CTNNA3: variants seen among roughly 807,000 people sequenced by gnomAD.
The protein encoded by CTNNA3 is catenin alpha 3.
CTNNA3 carries 76 observed loss-of-function variants against 95.7 expected under a neutral mutation model. That is an observed-to-expected ratio of 0.79 (90% CI 0.66 to 0.96). CTNNA3 has a LOEUF of 0.96. Among genes scored for constraint, CTNNA3 ranks in the 40% least tolerant of loss-of-function variants. CTNNA3 has a pLI of 0.00. For missense variants in CTNNA3, 1,191 were observed against 1,089.8 expected (o/e 1.09, Z -1.31); for synonymous variants, 431 against 374.4 (o/e 1.15, Z -1.74).
chr10:66,767,636 TA>T (rs1169824235), intron 8 of CTNNA3, among the ~76,000 whole-genome samples: 1 of 151,926 alleles, frequency 6.6e-6, no homozygotes. Flanking sequence ...CATTTTAGAG[TA>T]TTTTTTTAAA....
At position 66,342,459 on chromosome 10, in the gene CTNNA3, T is replaced by G. The variant is rs1233814429; in HGVS notation, c.1732+36693A>C. On this transcript the variant is annotated intron_variant, in intron 12 of 17. Transcript: ENST00000433211. Reference sequence around the variant, plus strand: ...TATGAAATTTCTAGATGGTTTAAATTTATAATTAATGTAAAAATGAGGAAG... The same window carrying G: ...TATGAAATTTCTAGATGGTTTAAATGTATAATTAATGTAAAAATGAGGAAG... 3.3e-5 allele frequency among the ~76,000 whole-genome samples: 5 copies of G among 152,058 alleles called. No individual in the cohort carries two copies. In the East Asian group the frequency reaches 9.6e-4, roughly 29 times the overall value.
intron 4 of CTNNA3, among the ~76,000 whole-genome samples, chr10:67,524,395 C>CA (rs200850487): frequency 0.019 from 1,337 of 69,906 alleles, 37 homozygotes; most frequent in African/African-American, 0.04. Context: ...GACTCTGTCT[C>CA]AAAAAAAAAA....
At chr10:67,745,867 A>T (rs1475467380) in intron 1 of CTNNA3, among the ~76,000 whole-genome samples, 1 of 152,156 alleles carries the variant, frequency 6.6e-6, no homozygotes. Context: ...AATTGAACCA[A>T]GGAAGTGAAA....
At position 66,525,004 on chromosome 10, in the gene CTNNA3, G is replaced by A. The variant is rs570723024; in HGVS notation, c.1375-4231C>T. Among the ~76,000 whole-genome samples the A allele has an allele frequency of 8.0e-3, 1,213 of 151,980 alleles. 21 individuals are homozygous for A. The highest frequency in any genetic ancestry group is 0.027 in the African/African-American group (1,123 of 41,422). On this transcript the variant is annotated intron_variant, in intron 10 of 17. Transcript: ENST00000433211. The stretch of plus-strand genomic sequence containing the variant: ...GCGGAGGTTGTGGTGAGCCGAGATC[G>A]CACCATTGTACTCCAGCCTGGGCAA...
In CTNNA3 at chr10:67,539,624, CAG is replaced by C. The variant is rs1840605538; in HGVS notation, c.336_337del (p.Cys113PhefsTer30). ...CACAGCCTCCCTTTTTGGGAGAAAA[CAG>C]GGGTCATCTGTAAATCTCTCAGCTG... On this transcript the variant is annotated frameshift_variant, in exon 4 of 18. Coordinates refer to ENST00000433211, the MANE Select transcript of CTNNA3 (RefSeq NM_013266.4). LOFTEE classifies it high-confidence loss of function. 7 of 1,613,768 alleles carry C rather than the reference CAG, an allele frequency of 4.3e-6. No homozygotes were observed. Among genetic ancestry groups the C allele is most frequent in the African/African-American group, 1.3e-5 (1 of 75,024 alleles).
chr10:67,400,526 T>G (rs891375354), intron 5 of CTNNA3, among the ~76,000 whole-genome samples: 1 of 152,196 alleles, frequency 6.6e-6, no homozygotes, highest in African/African-American at 2.4e-5. Context: ...GAATAAATAC[T>G]TTAGGAAGAA....
chr10:66,504,056 A>G (rs1351749459), intron 11 of CTNNA3, among the ~76,000 whole-genome samples: 1 of 152,186 alleles, frequency 6.6e-6, no homozygotes, highest in Non-Finnish European at 1.5e-5. Flanking sequence ...ATTTTTTTAT[A>G]GTGAGAACAT....
intron 11 of CTNNA3, among the ~76,000 whole-genome samples, chr10:66,447,484 T>C (rs28839523): frequency 6.9e-6 from 1 of 145,588 alleles, no homozygotes; most frequent in Non-Finnish European, 1.5e-5. Flanking sequence ...GAGATATAGA[T>C]CAATGGAACA....
At chr10:65,924,520 C>T (rs1670146) in intron 17 of CTNNA3, among the ~76,000 whole-genome samples, 110,363 of 152,026 alleles carry the variant, frequency 0.73, 40,273 homozygotes, top group Middle Eastern at 0.77. Flanking sequence ...ACAGATATTT[C>T]CACGTACCTA....
chr10:67,230,923 T>C (rs1865167092), intron 5 of CTNNA3, among the ~76,000 whole-genome samples: 1 of 152,114 alleles, frequency 6.6e-6, no homozygotes, highest in Non-Finnish European at 1.5e-5. Flanking sequence ...AGACCGCACC[T>C]GGAAGATCGG....
intron 13 of CTNNA3, chr10:66,118,416 T>C (rs552558856): frequency 6.6e-6 from 1 of 152,340 alleles, no homozygotes; most frequent in South Asian, 2.1e-4. Flanking sequence ...CCTGAAGGTA[T>C]ATGCTAAAGA....
At chr10:66,595,341 T>C (rs1471604845) in intron 10 of CTNNA3, among the ~76,000 whole-genome samples, 2 of 151,294 alleles carry the variant, frequency 1.3e-5, no homozygotes, top group Admixed American at 1.3e-4. Context: ...TTTATTATTA[T>C]TATTATTATT....
At chr10:66,378,842 G>A (rs760274415) in intron 12 of CTNNA3, among the ~76,000 whole-genome samples, 1 of 152,102 alleles carries the variant, frequency 6.6e-6, no homozygotes, top group Non-Finnish European at 1.5e-5. Context: ...TCACATACTT[G>A]ATACCATATC....
intron 1 of CTNNA3, among the ~76,000 whole-genome samples, chr10:67,686,884 G>A (rs1177095850): frequency 1.3e-5 from 2 of 152,060 alleles, no homozygotes; most frequent in African/African-American, 4.8e-5. Flanking sequence ...AGACTTCAGG[G>A]TTGATTCCCT....
intron 17 of CTNNA3, among the ~76,000 whole-genome samples, chr10:65,922,691 G>T (rs1292967176): frequency 6.6e-6 from 1 of 151,816 alleles, no homozygotes; most frequent in Non-Finnish European, 1.5e-5. Flanking sequence ...TTGTTTGCTT[G>T]GTTTTGCAAA....
intron 12 of CTNNA3, among the ~76,000 whole-genome samples, chr10:66,358,868 T>G (rs865948788): frequency 2.0e-5 from 3 of 152,220 alleles, no homozygotes; most frequent in African/African-American, 7.2e-5. Context: ...TGGTCTTCTC[T>G]GACCTACAAA....
intron 5 of CTNNA3, among the ~76,000 whole-genome samples, chr10:67,227,318 C>T (rs1188824918): frequency 6.6e-6 from 1 of 151,984 alleles, no homozygotes; most frequent in African/African-American, 2.4e-5. Context: ...CTTGAACTCC[C>T]AACCTCAGGT....
intron 13 of CTNNA3, among the ~76,000 whole-genome samples, chr10:66,256,070 T>C (rs1000571578): frequency 6.6e-6 from 1 of 152,158 alleles, no homozygotes; most frequent in Non-Finnish European, 1.5e-5. Flanking sequence ...GCCACCAATG[T>C]TGGCCCAGAC....
At chr10:67,300,048 T>C (rs1045696208) in intron 5 of CTNNA3, among the ~76,000 whole-genome samples, 1 of 152,186 alleles carries the variant, frequency 6.6e-6, no homozygotes, top group Non-Finnish European at 1.5e-5. Flanking sequence ...AGGAATTTGT[T>C]AGAAATAAAA....
Sources: allele counts gnomAD v4.1 joint callset (sites outside exome capture counted in the v4.1 genomes callset), GRCh38; gene constraint gnomAD v4.1.1; transcripts MANE v1.5; gene names NCBI Gene and HGNC (gene_info 2026-07-23, HGNC 2026-07-21).